SCN10A: variants seen among roughly 807,000 people sequenced by gnomAD.
SCN10A encodes the protein sodium voltage-gated channel alpha subunit 10.
In SCN10A, 162 loss-of-function variants were observed where a neutral mutation model predicts 170.7. That is an observed-to-expected ratio of 0.95 (90% confidence interval 0.84 to 1.08). The LOEUF (loss-of-function observed/expected upper bound fraction) is 1.08, where lower values mean the gene tolerates loss of function less well. Ranked by LOEUF, SCN10A falls within the 50% of genes least tolerant of loss-of-function variation. The pLI, the probability that SCN10A is intolerant of heterozygous loss-of-function variation, is 0.00. For synonymous variants in SCN10A, 985 were observed against 904.6 expected, an observed-to-expected ratio of 1.09 and a Z score of -1.59; for missense variants, 2,527 against 2,436.9, an observed-to-expected ratio of 1.04 and a Z score of -0.78.
At chr3:38,699,615 A>G (rs767826811) in intron 27 of SCN10A, among the ~76,000 whole-genome samples, 2 of 152,236 alleles carry the variant, frequency 1.3e-5, no homozygotes, top group Non-Finnish European at 2.9e-5. Flanking sequence ...TTGGGAAATA[A>G]TTATAATTTT....
chr3:38,698,401 G>A lies in SCN10A; in HGVS notation c.4819C>T (p.Leu1607Phe). The change falls in exon 28 of 28, where the codon CTC becomes TTC. Residue 1607 changes from leucine to phenylalanine, a missense_variant. Transcript: ENST00000449082. ...LFALMMSLPA[L>F]FNIGLLLFLV... ...AATAGCAACAGCCCGATGTTGAAGA[G>A]GGCAGGCAGGGACATCATGAGGGCA... 6.2e-7 allele frequency: 1 copy of A among 1,614,218 alleles called. No homozygotes were observed. The highest frequency in any genetic ancestry group is 1.1e-5 in the South Asian group (1 of 91,072).
At chr3:38,724,553 C>T (rs968224848) in intron 18 of SCN10A, among the ~76,000 whole-genome samples, 2 of 152,242 alleles carry the variant, frequency 1.3e-5, no homozygotes, top group African/African-American at 2.4e-5. Flanking sequence ...CACTTCACTA[C>T]TCACCTATAG....
At position 38,722,247 on chromosome 3, in the gene SCN10A, C is replaced by T; in HGVS notation, c.3507+11G>A. ...GGAGGATTTGGGGGCAGGGACTATG[C>T]CTCCCCTTACCAGAGATCCACTGCT... On this transcript the variant is annotated intron_variant, in intron 20 of 27. Transcript: ENST00000449082. 6.2e-7 allele frequency: 1 copy of T among 1,611,618 alleles called. No homozygotes were observed. The highest frequency in any genetic ancestry group is 1.1e-5 in the South Asian group (1 of 90,704).
Position 38,750,081 on chromosome 3 carries a change from A to ACGTC in SCN10A, c.1858_1859insGACG (p.Val620GlyfsTer4). ...CAGTGAGCAGCACTTACCCTCAAGG[A>ACGTC]CGGAGGTTATGATACTGACAACACT... On this transcript the variant is annotated frameshift_variant, in exon 13 of 28. Transcript: ENST00000449082. LOFTEE classifies it high-confidence loss of function. The ACGTC allele has an allele frequency of 2.5e-6, 4 of 1,591,080 alleles. No individual in the cohort carries two copies. The highest frequency in any genetic ancestry group is 3.5e-6 in the Non-Finnish European group (4 of 1,159,406).
intron 13 of SCN10A, among the ~76,000 whole-genome samples, chr3:38,746,352 C>T (rs1435048067): frequency 6.6e-6 from 1 of 151,806 alleles, no homozygotes; most frequent in East Asian, 1.9e-4. Flanking sequence ...ATCTTATGCC[C>T]CTTAGATAGC....
At chr3:38,782,267 T>C (rs748472979) in intron 4 of SCN10A, among the ~76,000 whole-genome samples, 3 of 152,102 alleles carry the variant, frequency 2.0e-5, no homozygotes, top group Non-Finnish European at 4.4e-5. Context: ...TTGCTATTTG[T>C]ATCATGTCAA....
intron 21 of SCN10A, among the ~76,000 whole-genome samples, chr3:38,714,352 C>T (rs113822182): frequency 2.0e-5 from 3 of 152,354 alleles, no homozygotes; most frequent in African/African-American, 4.8e-5. Flanking sequence ...GGTGGCCAAG[C>T]TTCCAGTGTA....
intron 4 of SCN10A, among the ~76,000 whole-genome samples, chr3:38,776,391 C>T (rs2064075394): frequency 6.6e-6 from 1 of 151,724 alleles, no homozygotes; most frequent in Non-Finnish European, 1.5e-5. Flanking sequence ...AGTGATGACT[C>T]TTTTTTTTGA....
At chr3:38,758,806 G>A (rs904660073) in intron 8 of SCN10A, among the ~76,000 whole-genome samples, 2 of 152,060 alleles carry the variant, frequency 1.3e-5, no homozygotes, top group African/African-American at 4.8e-5. Context: ...AGCAGGCCTG[G>A]CCTCTCAGGG....
chr3:38,811,739 C>A (rs985989761), intron 1 of SCN10A, among the ~76,000 whole-genome samples: 1 of 152,142 alleles, frequency 6.6e-6, no homozygotes, highest in African/African-American at 2.4e-5. Context: ...TAATAAGAGG[C>A]AGAGCTGGAC....
chr3:38,780,434 G>A (rs11925007), intron 4 of SCN10A, among the ~76,000 whole-genome samples: 3,347 of 152,082 alleles, frequency 0.022, 110 homozygotes, highest in African/African-American at 0.076. Context: ...TTTAAAAATA[G>A]GTGAGTAAAA....
At chr3:38,753,464 C>T (rs2063770714) in intron 11 of SCN10A, among the ~76,000 whole-genome samples, 2 of 152,176 alleles carry the variant, frequency 1.3e-5, no homozygotes, top group South Asian at 2.1e-4. Context: ...AGAATCTTGC[C>T]AATTGGGGTT....
intron 12 of SCN10A, 46 bp from the exon 13 acceptor site, chr3:38,750,230 C>A: frequency 1.8e-6 from 2 of 1,117,770 alleles, no homozygotes; most frequent in Non-Finnish European, 2.7e-6. Context: ...AACCTGACAT[C>A]TTCATGGCAA....
chr3:38,697,244 A>C lies in SCN10A; in HGVS notation c.*105T>G. ...CAGTTCTGACATTGTGACCAGTGGC[A>C]TGCATTGGTGAGGCTGTAGCTGGGT... On this transcript the variant is annotated 3_prime_UTR_variant, in exon 28 of 28. Transcript: ENST00000449082. The C allele has an allele frequency of 1.3e-6, 2 of 1,506,230 alleles. No homozygotes were observed. The highest frequency in any genetic ancestry group is 1.8e-6 in the Non-Finnish European group (2 of 1,122,362). 93.3% of individuals were successfully genotyped at this position (1,506,230 alleles called of 1,614,324 possible). A position where few individuals can be genotyped will look rare whatever the true frequency, so the allele number is the denominator to read the frequency against.
At chr3:38,812,708 C>A (rs545661185) in intron 1 of SCN10A, among the ~76,000 whole-genome samples, 124 of 152,218 alleles carry the variant, frequency 8.1e-4, no homozygotes, top group Middle Eastern at 3.4e-3. Context: ...GCACTCTGGG[C>A]ACAGAAACCT....
rs896598582 is a variant in SCN10A, at chr3:38,725,433, A to T, written c.3088-119T>A. On this transcript the variant is annotated intron_variant, in intron 17 of 27. Transcript: ENST00000449082. ...GCCAAGAGTTTCATATATGCAACTC[A>T]TGTACATACATATATACATACACGT... 4.1e-5 allele frequency: 34 copies of T among 825,382 alleles called. No individual in the cohort carries two copies. The African/African-American group carries it at 4.3e-4, about 10-fold the overall frequency. The allele number at this position is 825,382 out of a possible 1,614,324, so 51.1% of individuals were successfully genotyped here.
chr3:38,791,507 C>G (rs2064280626), intron 3 of SCN10A, among the ~76,000 whole-genome samples: 1 of 152,160 alleles, frequency 6.6e-6, no homozygotes, highest in Admixed American at 6.5e-5. Flanking sequence ...TAACAGTGCC[C>G]CATGACCAAT....
chr3:38,770,375 G>A (rs2063984475), intron 5 of SCN10A, among the ~76,000 whole-genome samples: 1 of 152,148 alleles, frequency 6.6e-6, no homozygotes, highest in Admixed American at 6.5e-5. Flanking sequence ...CATCAGGTGG[G>A]GGCAGGGGTA....
At position 38,749,995 on chromosome 3, in the gene SCN10A, T is replaced by C. The variant is rs2063730432; in HGVS notation, c.1867+78A>G. ...ACAGAGATGGACGCTTTGACACGAGTTAGAGACATTGCTTCTGCTGCTCAC... is the reference window on the plus strand; with the variant it reads ...ACAGAGATGGACGCTTTGACACGAGCTAGAGACATTGCTTCTGCTGCTCAC... On this transcript the variant is annotated intron_variant, in intron 13 of 27. Transcript: ENST00000449082. 3 of 778,126 alleles carry C rather than the reference T, an allele frequency of 3.9e-6. No individual in the cohort carries two copies. In the East Asian group the frequency reaches 7.6e-5, roughly 20 times the overall value. The allele number at this position is 778,126 out of a possible 1,614,324, so 48.2% of individuals were successfully genotyped here. A position where few individuals can be genotyped will look rare whatever the true frequency, so the allele number is the denominator to read the frequency against.
Sources: gnomAD v4.1 joint callset for allele counts (sites outside exome capture counted in the v4.1 genomes callset) on GRCh38, gnomAD v4.1.1 for gene constraint, MANE v1.5 for transcripts, NCBI Gene and HGNC (gene_info 2026-07-23, HGNC 2026-07-21) for gene names.